The following SEPTIN1 variants were observed in gnomAD, a reference collection of about 807,000 sequenced individuals.
SEPTIN1 encodes the protein septin 1.
Under a neutral mutation model 50.7 loss-of-function variants are expected in SEPTIN1, and 52 were observed. The ratio of observed to expected loss-of-function variants is 1.03; its 90% CI spans 0.82 to 1.29. The LOEUF (loss-of-function observed/expected upper bound fraction) is 1.29, where lower values mean the gene tolerates loss of function less well. Among genes scored for constraint, SEPTIN1 ranks in the 50% most tolerant of loss-of-function variants. The pLI, the probability that SEPTIN1 is intolerant of heterozygous loss-of-function variation, is 0.00. For synonymous variants in SEPTIN1, 204 were observed against 189.1 expected (o/e 1.08, Z -0.65); for missense variants, 455 against 490.7 (o/e 0.93, Z 0.69).
Position 30,381,051 on chromosome 16 carries a change from T to G in SEPTIN1, c.573+76A>C, listed in dbSNP as rs1193991143. The G allele has an allele frequency of 8.2e-7, 1 of 1,218,576 alleles. No homozygotes were observed. Among genetic ancestry groups the G allele is most frequent in the Non-Finnish European group, 1.2e-6 (1 of 820,298 alleles). The allele number at this position is 1,218,576 out of a possible 1,614,324, so 75.5% of individuals were successfully genotyped here. On this transcript the variant is annotated intron_variant, in intron 6 of 10. Transcript: ENST00000321367. This position sits in a 1 kb window ranked among gnomAD's most constrained non-coding sequence, Gnocchi z 4.3. The stretch of plus-strand genomic sequence containing the variant: ...TGCACCATGCTCCAGAAAGGCCACT[T>G]CAAGATCAAAGAAGTCTAAGCTGAA...
rs2049781687 is a variant in SEPTIN1, at chr16:30,378,438, A to T, written c.1115T>A (p.Leu372His). Reference sequence around the variant, plus strand: ...AAGGCCGGGCGGGGCGTGGCCTCAGAGGGCGTCTGACTGCTCGCCCTGGGC... The same window carrying T: ...AAGGCCGGGCGGGGCGTGGCCTCAGTGGGCGTCTGACTGCTCGCCCTGGGC... ...SQAQGEQSDA[L>H] Residue 372 changes from leucine (L) to histidine (H), a missense_variant, in exon 11 of 11, where the codon CTC becomes CAC. By Grantham distance (99) the Leu-to-His change is moderately conservative. Coordinates refer to ENST00000321367, the MANE Select transcript of SEPTIN1 (RefSeq NM_001365977.2). The T allele has an allele frequency of 6.4e-7, 1 of 1,570,228 alleles. No individual in the cohort carries two copies.
At chr16:30,379,827 G>T in intron 7 of SEPTIN1, 105 bp downstream of exon 7, 1 of 701,068 alleles carries the variant, frequency 1.4e-6, no homozygotes. Context: ...GGCTGGTCTG[G>T]AACTCCTGAC....
Position 30,378,310 on chromosome 16 carries a change from C to T in SEPTIN1, c.*124G>A. Reference sequence around the variant, plus strand: ...ACGGACTCAGGCTGGGAGAACCTCCCCCTAGCCCGCGCGAGGGCGGCACCC... The same window carrying T: ...ACGGACTCAGGCTGGGAGAACCTCCTCCTAGCCCGCGCGAGGGCGGCACCC... On this transcript the variant is annotated 3_prime_UTR_variant, in exon 11 of 11. Coordinates refer to ENST00000321367, the MANE Select transcript of SEPTIN1 (RefSeq NM_001365977.2). 1 of 951,754 alleles carries T rather than the reference C, an allele frequency of 1.1e-6. No individual in the cohort carries two copies. Among genetic ancestry groups the T allele is most frequent in the East Asian group, 2.7e-5 (1 of 36,820 alleles). 59.0% of individuals were successfully genotyped at this position (951,754 alleles called of 1,614,324 possible).
In SEPTIN1 at chr16:30,381,828, C is replaced by A. The variant is rs1053182118; in HGVS notation, c.252G>T (p.Gly84=). 2.2e-5 allele frequency: 35 copies of A among 1,614,074 alleles called. No individual in the cohort carries two copies. In the East Asian group the frequency reaches 6.2e-4, roughly 29 times the overall value. ...CAAGGGTCAGCTTCACTTTCACACC[C>A]CCTTCCTCAATCTCTACGCCCCGGC... The part of the protein sequence containing the change: ...IERRGVEIEE[G]GVKVKLTLVD... Residue 84 remains glycine, a synonymous_variant, in exon 4 of 11, where the codon GGG becomes GGT. Transcript: ENST00000321367. The surrounding 1 kb of genome is among the most constrained non-coding windows in gnomAD (Gnocchi z 4.3).
At position 30,382,350 on chromosome 16, in the gene SEPTIN1, C is replaced by T. The variant is rs771057178; in HGVS notation, c.34G>A (p.Gly12Ser). The T allele has an allele frequency of 6.2e-7, 1 of 1,612,676 alleles. No homozygotes were observed. The highest frequency in any genetic ancestry group is 1.1e-5 in the South Asian group (1 of 90,910). Reference sequence around the variant, plus strand: ...AGCTGGTTGGGGAGGGCAGCAAAACCCACGTACTCCTTGTCCTATGGATGG... The same window carrying T: ...AGCTGGTTGGGGAGGGCAGCAAAACTCACGTACTCCTTGTCCTATGGATGG... ...AGGVMDKEYVGFAALPNQLHR... is the reference protein window; with the variant it reads ...AGGVMDKEYVSFAALPNQLHR... Residue 12 changes from glycine to serine, a missense_variant, in exon 2 of 11, where the codon GGT becomes AGT. Transcript: ENST00000321367. This position sits in a 1 kb window ranked among gnomAD's most constrained non-coding sequence, Gnocchi z 4.8.
At chr16:30,379,624 C>CT in intron 7 of SEPTIN1, 90 bp from the exon 8 acceptor site, 1 of 602,578 alleles carries the variant, frequency 1.7e-6, no homozygotes, top group South Asian at 1.9e-5. Context: ...GCCTCCTCTG[C>CT]TTCCTGCCCC....
intron 8 of SEPTIN1, 112 bp from the exon 9 acceptor site, chr16:30,379,295 G>T: frequency 6.8e-7 from 1 of 1,477,900 alleles, no homozygotes; most frequent in Non-Finnish European, 9.3e-7. Context: ...GAGGGTCCGC[G>T]GTCTGCAGCC....
At chr16:30,378,584 CG>C (rs765652384) in intron 10 of SEPTIN1, 25 bp downstream of exon 10, 12 of 1,609,306 alleles carry the variant, frequency 7.5e-6, no homozygotes, top group East Asian at 2.2e-5. Flanking sequence ...GGGCATCGGT[CG>C]GGGGGAAGCG....
chr16:30,379,393 G>T, intron 8 of SEPTIN1, 42 bp downstream of exon 8: 1 of 1,557,964 alleles, frequency 6.4e-7, no homozygotes, highest in Non-Finnish European at 8.8e-7. Flanking sequence ...AGAGGCCCCG[G>T]GCTCCCTGCT....
At position 30,381,427 on chromosome 16, in the gene SEPTIN1, G is replaced by T; in HGVS notation, c.367C>A (p.Leu123Ile). The T allele has an allele frequency of 6.2e-7, 1 of 1,614,058 alleles. No homozygotes were observed. The highest frequency in any genetic ancestry group is 8.5e-7 in the Non-Finnish European group (1 of 1,180,032). Reference sequence around the variant, plus strand: ...CGGTTCAGGCCACTCTCATCCCTAAGGTACTGCTCAAATTGCTCCTCGATG... The same window carrying T: ...CGGTTCAGGCCACTCTCATCCCTAATGTACTGCTCAAATTGCTCCTCGATG... ...KFIEEQFEQY[L>I]RDESGLNRKN... The change falls in exon 5 of 11, where the codon CTT (leucine) becomes ATT (isoleucine). Residue 123 changes from leucine to isoleucine, a missense_variant. Leu to Ile is a conservative substitution (Grantham distance 5). Transcript: ENST00000321367. The surrounding 1 kb of genome is among the most constrained non-coding windows in gnomAD (Gnocchi z 4.3).
chr16:30,378,360 C>T lies in SEPTIN1; in HGVS notation c.*74G>A, dbSNP rs1478511427. ...CGCGGAGGTCCCGGGGGGCGCTGGG[C>T]AGTGTGGGGCGCGGGGATTGGACAA... On this transcript the variant is annotated 3_prime_UTR_variant, in exon 11 of 11. Coordinates refer to ENST00000321367, the MANE Select transcript of SEPTIN1 (RefSeq NM_001365977.2). 3 of 1,370,852 alleles carry T rather than the reference C, an allele frequency of 2.2e-6. No individual in the cohort carries two copies. Among genetic ancestry groups the T allele is most frequent in the African/African-American group, 1.5e-5 (1 of 68,126 alleles). 84.9% of individuals were successfully genotyped at this position (1,370,852 alleles called of 1,614,324 possible). A position where few individuals can be genotyped will look rare whatever the true frequency, so the allele number is the denominator to read the frequency against.
In SEPTIN1 at chr16:30,378,346, C is replaced by G. The variant is rs2049779041; in HGVS notation, c.*88G>C. On this transcript the variant is annotated 3_prime_UTR_variant, in exon 11 of 11. Coordinates refer to ENST00000321367, the MANE Select transcript of SEPTIN1 (RefSeq NM_001365977.2). ...GCGAGGGCGGCACCCGCGGAGGTCCCGGGGGGCGCTGGGCAGTGTGGGGCG... is the reference window on the plus strand; with the variant it reads ...GCGAGGGCGGCACCCGCGGAGGTCCGGGGGGGCGCTGGGCAGTGTGGGGCG... The G allele has an allele frequency of 1.3e-5, 17 of 1,294,642 alleles. No homozygotes were observed. The South Asian group carries it at 1.6e-4, about 12-fold the overall frequency. 80.2% of individuals were successfully genotyped at this position (1,294,642 alleles called of 1,614,324 possible). A position where few individuals can be genotyped will look rare whatever the true frequency, so the allele number is the denominator to read the frequency against.
At position 30,382,266 on chromosome 16, in the gene SEPTIN1, C is replaced by T; in HGVS notation, c.109+9G>A. On this transcript the variant is annotated intron_variant, in intron 2 of 10. Coordinates refer to ENST00000321367, the MANE Select transcript of SEPTIN1 (RefSeq NM_001365977.2). This position sits in a 1 kb window ranked among gnomAD's most constrained non-coding sequence, Gnocchi z 4.8. ...CCCCTCCGCAGTTCCCTCTCCAAAA[C>T]CCCCAGACCTGCCACCATTAGCGTG... 1 of 1,613,344 alleles carries T rather than the reference C, an allele frequency of 6.2e-7. No individual in the cohort carries two copies. The highest frequency in any genetic ancestry group is 8.5e-7 in the Non-Finnish European group (1 of 1,179,464).
upstream of SEPTIN1, chr16:30,382,668 G>T: frequency 3.9e-6 from 6 of 1,533,914 alleles, no homozygotes; most frequent in Non-Finnish European, 5.3e-6. This position sits in a 1 kb window ranked among gnomAD's most constrained non-coding sequence, Gnocchi z 4.8. Context: ...AGGTGGGGAA[G>T]GCCAAGGCCA....
In SEPTIN1 at chr16:30,378,800, G is replaced by T. The variant is rs2049790998; in HGVS notation, c.942-100C>A. The T allele has an allele frequency of 4.1e-6, 5 of 1,222,180 alleles. No homozygotes were observed. In the East Asian group the frequency reaches 7.5e-5, roughly 18 times the overall value. The allele number at this position is 1,222,180 out of a possible 1,614,324, so 75.7% of individuals were successfully genotyped here. ...CTGGGGCGAGGTTGGGGTCTAGGAG[G>T]CGGAGCCAGTTCCTTGAGGTTAGGG... On this transcript the variant is annotated intron_variant, in intron 9 of 10. Transcript: ENST00000321367.
upstream of SEPTIN1, chr16:30,382,758 A>C: frequency 6.5e-7 from 1 of 1,536,020 alleles, no homozygotes; most frequent in Non-Finnish European, 8.7e-7. This position sits in a 1 kb window ranked among gnomAD's most constrained non-coding sequence, Gnocchi z 4.8. Context: ...TCCTTCACAC[A>C]TCTGGATTCC....
chr16:30,381,896 G>T lies in SEPTIN1; in HGVS notation c.197-13C>A, dbSNP rs1567426078. 1 of 1,614,006 alleles carries T rather than the reference G, an allele frequency of 6.2e-7. No homozygotes were observed. The highest frequency in any genetic ancestry group is 8.5e-7 in the Non-Finnish European group (1 of 1,179,976). ...TGTGTCAAGCGAGCTGTGGGATGGG[G>T]GAGAGGTCAGGGATCCGGGGAGGCT... On this transcript the variant is annotated splice_polypyrimidine_tract_variant and intron_variant, in intron 3 of 10. Transcript: ENST00000321367. The surrounding 1 kb of genome is among the most constrained non-coding windows in gnomAD (Gnocchi z 4.3).
upstream of SEPTIN1, chr16:30,382,721 A>C (rs1209966638): frequency 2.6e-6 from 4 of 1,535,854 alleles, no homozygotes; most frequent in Admixed American, 5.9e-5. The surrounding 1 kb of genome is among the most constrained non-coding windows in gnomAD (Gnocchi z 4.8). Context: ...TTTGCCCATC[A>C]CCTGTCTACG....
chr16:30,378,350 G>A lies in SEPTIN1; in HGVS notation c.*84C>T, dbSNP rs1388016405. 7.6e-7 allele frequency: 1 copy of A among 1,313,112 alleles called. No homozygotes were observed. The highest frequency in any genetic ancestry group is 1.0e-6 in the Non-Finnish European group (1 of 976,870). The allele number at this position is 1,313,112 out of a possible 1,614,324, so 81.3% of individuals were successfully genotyped here. ...GGGCGGCACCCGCGGAGGTCCCGGG[G>A]GGCGCTGGGCAGTGTGGGGCGCGGG... is the stretch of plus-strand genomic sequence containing the variant. On this transcript the variant is annotated 3_prime_UTR_variant, in exon 11 of 11. Transcript: ENST00000321367.
Sources: gnomAD v4.1 joint callset for allele counts on GRCh38, gnomAD v4.1.1 for gene constraint, Gnocchi (gnomAD v3.1) non-coding constraint, MANE v1.5 for transcripts, NCBI Gene and HGNC (gene_info 2026-07-23, HGNC 2026-07-21) for gene names.